The following PTGER3 variants were observed in gnomAD, a reference collection of about 807,000 sequenced individuals.
PTGER3 encodes prostaglandin E2 receptor EP3 subtype.
In PTGER3, 22 loss-of-function variants were observed where a neutral mutation model predicts 34.7. That is an observed-to-expected ratio of 0.63 (90% confidence interval 0.45 to 0.91). The LOEUF (loss-of-function observed/expected upper bound fraction) is 0.91. Among genes scored for constraint, PTGER3 ranks in the 40% least tolerant of loss-of-function variants. The probability of loss-of-function intolerance (pLI) is 0.00; values close to 1 mark genes in which losing one functional copy is unlikely to be tolerated. For missense variants in PTGER3, 468 were observed against 519.4 expected (o/e 0.90, Z 0.96); for synonymous variants, 241 against 230.1 (o/e 1.05, Z -0.43).
intron 4 of PTGER3, among the ~76,000 whole-genome samples, chr1:70,935,613 G>A (rs749043008): frequency 1.5e-4 from 23 of 150,028 alleles, no homozygotes; most frequent in Non-Finnish European, 3.0e-4. Context: ...ACAAATAATT[G>A]GGATACTTTG....
chr1:70,860,484 T>G (rs956353272), intron 4 of PTGER3, among the ~76,000 whole-genome samples: 1 of 152,152 alleles, frequency 6.6e-6, no homozygotes, highest in African/African-American at 2.4e-5. Flanking sequence ...ATAATTATCT[T>G]ACTTGTTTGT....
intron 4 of PTGER3, among the ~76,000 whole-genome samples, chr1:70,870,468 G>T (rs1321992301): frequency 1.3e-5 from 2 of 152,196 alleles, no homozygotes; most frequent in Non-Finnish European, 2.9e-5. Flanking sequence ...TTCTCTGCAG[G>T]CTGCTTGGAT....
exon 4 of PTGER3, chr1:70,952,549 T>C (rs1314591836): frequency 2.0e-6 from 2 of 994,126 alleles, no homozygotes; most frequent in Admixed American, 5.9e-5. Context: ...CCTTTACATA[T>C]TTCTTCTGGA....
intron 4 of PTGER3, among the ~76,000 whole-genome samples, chr1:70,904,140 A>G (rs1361439027): frequency 1.3e-5 from 2 of 152,174 alleles, no homozygotes; most frequent in African/African-American, 4.8e-5. Context: ...CCTGCCCGCC[A>G]TCAATGTAAG....
chr1:70,955,881 G>A (rs661000), intron 2 of PTGER3, among the ~76,000 whole-genome samples: 91,725 of 151,772 alleles, frequency 0.6, 28,212 homozygotes, highest in East Asian at 0.72. Flanking sequence ...TTTATTTTTT[G>A]GACAACTGTC....
chr1:71,011,146 C>T lies in PTGER3; in HGVS notation c.1077+1159G>A, dbSNP rs953369016. On this transcript the variant is annotated intron_variant, in intron 2 of 3. Coordinates refer to ENST00000306666, the MANE Select transcript of PTGER3 (RefSeq NM_198719.2). The stretch of plus-strand genomic sequence containing the variant: ...GTAGTGATCTACTTGTGCACAAATA[C>T]GTCAAGCTTAGCTATTGAGGTTTGT... The T allele has an allele frequency of 1.6e-5, 16 of 985,504 alleles. No individual in the cohort carries two copies. In the Admixed American group the frequency reaches 2.5e-4, roughly 15 times the overall value. 61.0% of individuals were successfully genotyped at this position (985,504 alleles called of 1,614,324 possible).
intron 4 of PTGER3, among the ~76,000 whole-genome samples, chr1:70,902,970 A>G (rs1054564522): frequency 4.6e-5 from 7 of 152,188 alleles, no homozygotes; most frequent in Non-Finnish European, 8.8e-5. Context: ...TTGGAAAAAG[A>G]AACTTTGCAT....
At chr1:70,917,547 T>C (rs1647208568) in intron 4 of PTGER3, among the ~76,000 whole-genome samples, 1 of 151,780 alleles carries the variant, frequency 6.6e-6, no homozygotes, top group African/African-American at 2.4e-5. Flanking sequence ...GACATACTGA[T>C]TTCACTTTCT....
chr1:71,027,156 TG>T (rs924038544), intron 1 of PTGER3, among the ~76,000 whole-genome samples: 1 of 152,158 alleles, frequency 6.6e-6, no homozygotes, highest in African/African-American at 2.4e-5. Context: ...CTATATTTGA[TG>T]TAAGTTTCTT....
At chr1:70,865,926 G>T in intron 4 of PTGER3, 1 of 698,060 alleles carries the variant, frequency 1.4e-6, no homozygotes, top group Non-Finnish European at 2.1e-6. Flanking sequence ...CACCTTTCCT[G>T]GACTGTCATC....
Position 70,981,367 on chromosome 1 carries a change from CTTT to C in PTGER3, c.1078-6982_1078-6980del, listed in dbSNP as rs879288298. Among the ~76,000 whole-genome samples, 902 of 99,250 alleles carry C rather than the reference CTTT, an allele frequency of 9.1e-3. 19 individuals are homozygous for C. The highest frequency in any genetic ancestry group is 0.018 in the African/African-American group (449 of 24,808). The allele number at this position is 99,250 out of a possible 152,430, so 65.1% of individuals were successfully genotyped here. A position where few individuals can be genotyped will look rare whatever the true frequency, so the allele number is the denominator to read the frequency against. The stretch of plus-strand genomic sequence containing the variant: ...TCTTTCTTTCTTTCTTTCTTTCTTT[CTTT>C]CTTTCTTTCTTTCTTTCTTTCTTTC... On this transcript the variant is annotated intron_variant, in intron 2 of 3. Transcript: ENST00000306666.
At chr1:70,887,105 T>C (rs1023818938) in intron 4 of PTGER3, among the ~76,000 whole-genome samples, 2 of 152,178 alleles carry the variant, frequency 1.3e-5, no homozygotes. Flanking sequence ...AAAAGCTTAC[T>C]GAGTGGGGTT....
chr1:70,982,166 C>T (rs1288288590), intron 2 of PTGER3, among the ~76,000 whole-genome samples: 1 of 152,128 alleles, frequency 6.6e-6, no homozygotes, highest in African/African-American at 2.4e-5. Context: ...TCATTCACTT[C>T]CCTGTACATC....
intron 4 of PTGER3, among the ~76,000 whole-genome samples, chr1:70,930,294 C>A (rs1488623445): frequency 6.6e-6 from 1 of 152,300 alleles, no homozygotes; most frequent in South Asian, 2.1e-4. Flanking sequence ...TGTGGCTAAC[C>A]ACAACCACCT....
chr1:70,870,673 T>G (rs981764674), intron 4 of PTGER3, among the ~76,000 whole-genome samples: 16 of 152,182 alleles, frequency 1.1e-4, no homozygotes, highest in Non-Finnish European at 2.4e-4. Flanking sequence ...ATGTCTTCCT[T>G]CAATCTAGAT....
intron 4 of PTGER3, among the ~76,000 whole-genome samples, chr1:70,894,729 C>T (rs1646690370): frequency 6.6e-6 from 1 of 152,170 alleles, no homozygotes; most frequent in South Asian, 2.1e-4. Context: ...CCCCACTCAT[C>T]CCACCCTATC....
At chr1:70,873,211 A>C (rs1646200506) in intron 4 of PTGER3, among the ~76,000 whole-genome samples, 1 of 152,178 alleles carries the variant, frequency 6.6e-6, no homozygotes, top group Admixed American at 6.5e-5. Context: ...AAGAATAAAT[A>C]AGCTAATATT....
chr1:70,936,462 T>C (rs568926068), intron 4 of PTGER3, among the ~76,000 whole-genome samples: 1 of 152,270 alleles, frequency 6.6e-6, no homozygotes, highest in African/African-American at 2.4e-5. Flanking sequence ...AAGTATAGAA[T>C]GGGGATTTTA....
At chr1:71,042,456 A>C (rs1026844218) in intron 1 of PTGER3, among the ~76,000 whole-genome samples, 2 of 151,992 alleles carry the variant, frequency 1.3e-5, no homozygotes, top group African/African-American at 4.8e-5. Flanking sequence ...TAAATGTGGA[A>C]ATTCTGCTTT....
Sources: gnomAD v4.1 joint callset for allele counts (sites outside exome capture counted in the v4.1 genomes callset) on GRCh38, gnomAD v4.1.1 for gene constraint, MANE v1.5 for transcripts, NCBI Gene and HGNC (gene_info 2026-07-23, HGNC 2026-07-21) for gene names.